The following HEG1 variants were observed in gnomAD, a reference collection of about 807,000 sequenced individuals.
The protein encoded by HEG1 is heart development protein with EGF like domains 1.
Under a neutral mutation model 125.6 loss-of-function variants are expected in HEG1, and 56 were observed. The observed-to-expected ratio is 0.45, with a 90% CI of 0.36 to 0.56. The LOEUF is 0.56. Among genes scored for constraint, HEG1 ranks in the 20% least tolerant of loss-of-function variants. HEG1 has a pLI of 0.00. For synonymous variants in HEG1, 644 were observed against 668.5 expected, an observed-to-expected ratio of 0.96 and a Z score of 0.57; for missense variants, 1,523 against 1,670.0, an observed-to-expected ratio of 0.91 and a Z score of 1.53.
chr3:125,037,063 G>A (rs1006704692), intron 1 of HEG1, among the ~76,000 whole-genome samples: 7 of 152,164 alleles, frequency 4.6e-5, no homozygotes, highest in Non-Finnish European at 1.5e-5. Context: ...TTCTACAATA[G>A]GGAGGTGGTT....
intron 1 of HEG1, among the ~76,000 whole-genome samples, chr3:125,043,076 T>C (rs7428702): frequency 0.86 from 131,145 of 152,284 alleles, 56,529 homozygotes; most frequent in Middle Eastern, 0.89. Context: ...AAATCAAGCA[T>C]GTTGGAAAGT....
intron 1 of HEG1, among the ~76,000 whole-genome samples, chr3:125,033,026 G>T (rs1937515036): frequency 6.6e-6 from 1 of 152,152 alleles, no homozygotes. Context: ...TCTCTTCCTA[G>T]AGGGGTGACT....
At chr3:124,999,183 T>C (rs1936966412) in intron 11 of HEG1, among the ~76,000 whole-genome samples, 1 of 152,178 alleles carries the variant, frequency 6.6e-6, no homozygotes, top group African/African-American at 2.4e-5. Flanking sequence ...ACAACTCTAG[T>C]TCTCAAAGCT....
At chr3:124,970,931 C>T (rs1936412419) in intron 16 of HEG1, 130 bp from the exon 17 acceptor site, 3 of 777,602 alleles carry the variant, frequency 3.9e-6, no homozygotes, top group Non-Finnish European at 6.2e-6. Flanking sequence ...GTGGTTCTAC[C>T]AATTATTTCT....
In HEG1 at chr3:125,002,295, C is replaced by T. The variant is rs367597816; in HGVS notation, c.3318G>A (p.Ala1106=). Residue 1106 remains alanine, a synonymous_variant, in exon 10 of 17, where the codon GCG becomes GCA. Coordinates refer to ENST00000311127, the MANE Select transcript of HEG1 (RefSeq NM_020733.2). ...CTGTAGATCGGATGTAACTAGGTAA[C>T]GCTGAAAAACACATATTTAACTGAA... ...ITKTLNMCFS[A]LPSYIRSTVH... 48 of 1,613,414 alleles carry T rather than the reference C, an allele frequency of 3.0e-5. No individual in the cohort carries two copies. The highest frequency in any genetic ancestry group is 1.6e-4 in the Middle Eastern group (1 of 6,084).
Position 125,000,810 on chromosome 3 carries a change from C to T in HEG1, c.3517+1042G>A, listed in dbSNP as rs1390291992. The stretch of plus-strand genomic sequence containing the variant: ...GCAGACTGTTACAACCTGATATCTT[C>T]TACTCATGTCCAGCGTCTGGATGCC... On this transcript the variant is annotated intron_variant, in intron 11 of 16. Coordinates refer to ENST00000311127, the MANE Select transcript of HEG1 (RefSeq NM_020733.2). 2.0e-5 allele frequency among the ~76,000 whole-genome samples: 3 copies of T among 152,220 alleles called. No homozygotes were observed. In the East Asian group the frequency reaches 5.8e-4, roughly 29 times the overall value.
At chr3:125,052,798 G>T (rs561772578) in intron 1 of HEG1, among the ~76,000 whole-genome samples, 2 of 152,302 alleles carry the variant, frequency 1.3e-5, no homozygotes, top group Non-Finnish European at 2.9e-5. Flanking sequence ...ATATAAACAG[G>T]GAGCTGCTCT....
intron 5 of HEG1, among the ~76,000 whole-genome samples, chr3:125,015,868 T>C (rs1050991653): frequency 2.6e-5 from 4 of 152,176 alleles, no homozygotes; most frequent in African/African-American, 9.7e-5. Context: ...TGGCTGTCAG[T>C]ACGCCATGGC....
At chr3:125,024,114 CATT>C (rs1432021436) in intron 3 of HEG1, among the ~76,000 whole-genome samples, 1 of 152,192 alleles carries the variant, frequency 6.6e-6, no homozygotes, top group Non-Finnish European at 1.5e-5. Context: ...AGTTGAGATA[CATT>C]ATTATATCCT....
At chr3:125,046,487 G>A (rs1303822785) in intron 1 of HEG1, among the ~76,000 whole-genome samples, 1 of 150,608 alleles carries the variant, frequency 6.6e-6, no homozygotes, top group Non-Finnish European at 1.5e-5. Flanking sequence ...GCCTAGGCTG[G>A]TCTTGAATGC....
intron 1 of HEG1, among the ~76,000 whole-genome samples, chr3:125,044,230 G>A (rs574880516): frequency 2.0e-5 from 3 of 152,300 alleles, no homozygotes; most frequent in East Asian, 1.9e-4. Flanking sequence ...CTGCTAATGC[G>A]TTTTGTAAAT....
At position 125,047,660 on chromosome 3, in the gene HEG1, T is replaced by C. The variant is rs553845276; in HGVS notation, c.316+7915A>G. Among the ~76,000 whole-genome samples, 8 of 152,256 alleles carry C rather than the reference T, an allele frequency of 5.3e-5. No homozygotes were observed. In the South Asian group the frequency reaches 1.7e-3, roughly 32 times the overall value. On this transcript the variant is annotated intron_variant, in intron 1 of 16. Coordinates refer to ENST00000311127, the MANE Select transcript of HEG1 (RefSeq NM_020733.2). ...AGGGAGGTTGCAGGAGTGAAACCCGTCCCCAAGTTGAAGCTGTTTCCATCT... is the reference window on the plus strand; with the variant it reads ...AGGGAGGTTGCAGGAGTGAAACCCGCCCCCAAGTTGAAGCTGTTTCCATCT...
chr3:125,002,333 C>A lies in HEG1; in HGVS notation c.3298-18G>T. ...ATATTTAACTGAAAGGAAGAACAAG[C>A]CTGTCGTTAACAGTGAGTTAGACAA... On this transcript the variant is annotated intron_variant, in intron 9 of 16. Coordinates refer to ENST00000311127, the MANE Select transcript of HEG1 (RefSeq NM_020733.2). The A allele has an allele frequency of 6.2e-7, 1 of 1,610,010 alleles. No homozygotes were observed. The highest frequency in any genetic ancestry group is 8.5e-7 in the Non-Finnish European group (1 of 1,177,248).
At chr3:124,991,723 G>A (rs546661249) in intron 12 of HEG1, among the ~76,000 whole-genome samples, 15 of 151,052 alleles carry the variant, frequency 9.9e-5, no homozygotes, top group South Asian at 6.3e-4. Context: ...ACGATTCTCC[G>A]GCCTCAGCCT....
At chr3:125,043,800 A>G (rs1229298900) in intron 1 of HEG1, among the ~76,000 whole-genome samples, 1 of 151,966 alleles carries the variant, frequency 6.6e-6, no homozygotes, top group Non-Finnish European at 1.5e-5. Flanking sequence ...GCAGGGCTCC[A>G]CCAAAGGAGA....
At chr3:124,976,835 T>C (rs1474304787) in intron 15 of HEG1, among the ~76,000 whole-genome samples, 1 of 152,162 alleles carries the variant, frequency 6.6e-6, no homozygotes, top group Non-Finnish European at 1.5e-5. Flanking sequence ...GCTCCCTTCA[T>C]CTTCTTCCAG....
chr3:125,019,654 G>T, intron 4 of HEG1, 57 bp from the exon 5 acceptor site: 3 of 1,419,534 alleles, frequency 2.1e-6, no homozygotes, highest in Non-Finnish European at 2.9e-6. Context: ...AGATCCCTTG[G>T]CAACTAAGAA....
intron 5 of HEG1, among the ~76,000 whole-genome samples, chr3:125,015,460 G>T (rs1165574394): frequency 1.3e-5 from 2 of 152,300 alleles, no homozygotes; most frequent in African/African-American, 2.4e-5. Flanking sequence ...ATACATGAAT[G>T]GCCACAAGGC....
chr3:125,051,981 G>C lies in HEG1; in HGVS notation c.316+3594C>G, dbSNP rs147465609. 1.3e-3 allele frequency among the ~76,000 whole-genome samples: 194 copies of C among 152,250 alleles called. 1 individual carries two copies. The highest frequency in any genetic ancestry group is 4.5e-3 in the African/African-American group (189 of 41,540). On this transcript the variant is annotated intron_variant, in intron 1 of 16. Transcript: ENST00000311127. ...CCAGCTGGGCAGCAAATACCTTTCA[G>C]TCTCCCTCAGTCCACACCATTCGGG...
Sources: gnomAD v4.1 joint callset for allele counts (sites outside exome capture counted in the v4.1 genomes callset) on GRCh38, gnomAD v4.1.1 for gene constraint, MANE v1.5 for transcripts, NCBI Gene and HGNC (gene_info 2026-07-23, HGNC 2026-07-21) for gene names.